The following GARS1 variants were observed in gnomAD, a reference collection of about 807,000 sequenced individuals.
GARS1 encodes the protein glycine--tRNA ligase.
GARS1 carries 46 observed loss-of-function variants against 86.4 expected under a neutral mutation model. The ratio of observed to expected loss-of-function variants is 0.53; its 90% CI spans 0.42 to 0.68. GARS1 has a LOEUF of 0.68. GARS1 is among the 30% of genes least tolerant of loss of function. The pLI is 0.00. For missense variants in GARS1, 797 were observed against 915.6 expected, an observed-to-expected ratio of 0.87 and a Z score of 1.67; for synonymous variants, 342 against 329.8, an observed-to-expected ratio of 1.04 and a Z score of -0.40.
At chr7:30,616,968 T>G (rs1782900468) in intron 9 of GARS1, 146 bp from the exon 10 acceptor site, 1 of 772,376 alleles carries the variant, frequency 1.3e-6, no homozygotes, top group African/African-American at 1.7e-5. Flanking sequence ...TATTTGAAAT[T>G]GTTTTGAAAG....
intron 4 of GARS1, among the ~76,000 whole-genome samples, 156 bp downstream of exon 4, chr7:30,601,356 T>C (rs1211942884): frequency 6.6e-6 from 1 of 152,276 alleles, no homozygotes; most frequent in Admixed American, 6.5e-5. Flanking sequence ...AATGTATACC[T>C]TCTGCTCACA....
chr7:30,615,854 T>C lies in GARS1; in HGVS notation c.1032-42T>C, dbSNP rs746607792. On this transcript the variant is annotated intron_variant, in intron 8 of 16. Transcript: ENST00000389266. ...TTGTTTTTTGTTTGTTTGTTTTTTG[T>C]AGTTAAATATGCAGGTTTATCGCTT... 1.9e-6 allele frequency: 3 copies of C among 1,606,270 alleles called. No individual in the cohort carries two copies. In the South Asian group the frequency reaches 3.3e-5, roughly 18 times the overall value.
chr7:30,607,578 A>G (rs573179936), intron 6 of GARS1, among the ~76,000 whole-genome samples: 1 of 152,286 alleles, frequency 6.6e-6, no homozygotes, highest in African/African-American at 2.4e-5. Context: ...GGATAGCATT[A>G]GGAGAAATAC....
At chr7:30,631,970 T>C in intron 15 of GARS1, 1 of 453,300 alleles carries the variant, frequency 2.2e-6, no homozygotes, top group South Asian at 2.1e-5. Context: ...GCCATAAAAA[T>C]AGAGGTGGTG....
At position 30,632,144 on chromosome 7, in the gene GARS1, T is replaced by C; in HGVS notation, c.1904-103T>C. 1 of 1,071,892 alleles carries C rather than the reference T, an allele frequency of 9.3e-7. No homozygotes were observed. Among genetic ancestry groups the C allele is most frequent in the Admixed American group, 2.0e-5 (1 of 50,848 alleles). The allele number at this position is 1,071,892 out of a possible 1,614,324, so 66.4% of individuals were successfully genotyped here. On this transcript the variant is annotated intron_variant, in intron 15 of 16. Coordinates refer to ENST00000389266, the MANE Select transcript of GARS1 (RefSeq NM_002047.4). The surrounding 1 kb of genome is among the most constrained non-coding windows in gnomAD (Gnocchi z 4.1). The stretch of plus-strand genomic sequence containing the variant: ...AACTCAACTTGTTGCTTTCTTGTCT[T>C]GGTCCCATTTATAAGTCTCCTGAGC...
At position 30,603,521 on chromosome 7, in the gene GARS1, T is replaced by C. The variant is rs557776627; in HGVS notation, c.684T>C (p.Asp228=). 1.2e-6 allele frequency: 2 copies of C among 1,613,902 alleles called. No homozygotes were observed. The highest frequency in any genetic ancestry group is 1.7e-6 in the Non-Finnish European group (2 of 1,179,926). Reference sequence around the variant, plus strand: ...CTCATTTACAGAAATTGATGTCTGATAAGAAGTGTTCTGTCGAAAAGAAAT... The same window carrying C: ...CTCATTTACAGAAATTGATGTCTGACAAGAAGTGTTCTGTCGAAAAGAAAT... ...LKAHLQKLMS[D]KKCSVEKKSE... is the part of the protein sequence containing the mutation. The change falls in exon 6 of 17, where the codon GAT becomes GAC. Residue 228 remains aspartate, a synonymous_variant. Coordinates refer to ENST00000389266, the MANE Select transcript of GARS1 (RefSeq NM_002047.4).
chr7:30,631,499 C>T lies in GARS1; in HGVS notation c.1861C>T (p.Leu621=), dbSNP rs1220892349. 1.9e-6 allele frequency: 3 copies of T among 1,613,800 alleles called. No individual in the cohort carries two copies. The highest frequency in any genetic ancestry group is 2.5e-6 in the Non-Finnish European group (3 of 1,179,776). The part of the protein sequence containing the change: ...VAPFKCSVLP[L]SQNQEFMPFV... ...TCCATTCAAATGTTCCGTCCTCCCA[C>T]TGAGCCAAAACCAGGAGTTCATGCC... Residue 621 remains leucine, a synonymous_variant, in exon 15 of 17, where the codon CTG becomes TTG. Coordinates refer to ENST00000389266, the MANE Select transcript of GARS1 (RefSeq NM_002047.4).
chr7:30,627,408 A>G (rs2128135733), intron 13 of GARS1, among the ~76,000 whole-genome samples: 1 of 152,310 alleles, frequency 6.6e-6, no homozygotes, highest in South Asian at 2.1e-4. Flanking sequence ...TCATGTTTCT[A>G]AAGTATTAAC....
In GARS1 at chr7:30,595,022, G is replaced by A. The variant is rs1189675611; in HGVS notation, c.101G>A (p.Arg34Gln). The A allele has an allele frequency of 1.9e-6, 3 of 1,578,838 alleles. No individual in the cohort carries two copies. The highest frequency in any genetic ancestry group is 1.7e-4 in the Middle Eastern group (1 of 5,812). The change falls in exon 1 of 17, where the codon CGG (arginine) becomes CAG (glutamine). Residue 34 changes from arginine to glutamine, a missense_variant. Coordinates refer to ENST00000389266, the MANE Select transcript of GARS1 (RefSeq NM_002047.4). ...LLARPSLLLRRSLSAASCPPI... is the reference protein window; with the variant it reads ...LLARPSLLLRQSLSAASCPPI... ...GCCCGACCCTCGCTCCTGCTCCGCCGGTCCCTCAGCGCGGCCTCCTGCCCC... is the reference window on the plus strand; with the variant it reads ...GCCCGACCCTCGCTCCTGCTCCGCCAGTCCCTCAGCGCGGCCTCCTGCCCC...
At chr7:30,618,461 C>G (rs1044480317) in intron 10 of GARS1, among the ~76,000 whole-genome samples, 4 of 152,078 alleles carry the variant, frequency 2.6e-5, no homozygotes. Flanking sequence ...TAGCAAGACC[C>G]TGTCTCTACA....
At chr7:30,608,949 A>G (rs1791537498) in intron 6 of GARS1, among the ~76,000 whole-genome samples, 1 of 152,212 alleles carries the variant, frequency 6.6e-6, no homozygotes, top group African/African-American at 2.4e-5. Context: ...AATACTGCTT[A>G]CTATTAGATG....
In GARS1 at chr7:30,603,529, G is replaced by A. The variant is rs376117067; in HGVS notation, c.692G>A (p.Cys231Tyr). The A allele has an allele frequency of 1.9e-6, 3 of 1,613,924 alleles. No homozygotes were observed. The highest frequency in any genetic ancestry group is 2.5e-6 in the Non-Finnish European group (3 of 1,179,956). Residue 231 changes from cysteine to tyrosine, a missense_variant, in exon 6 of 17, where the codon TGT becomes TAT. Cys to Tyr is a radical substitution (Grantham distance 194). Coordinates refer to ENST00000389266, the MANE Select transcript of GARS1 (RefSeq NM_002047.4). The part of the protein sequence containing the change: ...HLQKLMSDKK[C>Y]SVEKKSEMES... ...CAGAAATTGATGTCTGATAAGAAGT[G>A]TTCTGTCGAAAAGAAATCAGAAATG...
intron 16 of GARS1, among the ~76,000 whole-genome samples, chr7:30,633,506 A>T (rs1271213199): frequency 6.6e-6 from 1 of 152,208 alleles, no homozygotes; most frequent in African/African-American, 2.4e-5. Flanking sequence ...TTTAATACAC[A>T]TGAAGTAACT....
rs1304345898 is a variant in GARS1, at chr7:30,624,462, A to G, written c.1614-1772A>G. Among the ~76,000 whole-genome samples the G allele has an allele frequency of 3.9e-5, 6 of 152,244 alleles. No homozygotes were observed. The East Asian group carries it at 1.2e-3, about 29-fold the overall frequency. On this transcript the variant is annotated intron_variant, in intron 12 of 16. Transcript: ENST00000389266. ...AATTTATAACATGGAAGTAAAATGT[A>G]TGCTATCAGTAGCACAAAGGGTGGG... is the stretch of plus-strand genomic sequence containing the variant.
In GARS1 at chr7:30,598,897, G is replaced by A. The variant is rs1037845563; in HGVS notation, c.324G>A (p.Lys108=). ...CCCGCAAGAGGGTTCTGGAAGCAAAGGTGAGTCCTGGGATGCTAAAATAGG... is the reference window on the plus strand; with the variant it reads ...CCCGCAAGAGGGTTCTGGAAGCAAAAGTGAGTCCTGGGATGCTAAAATAGG... ...LKARKRVLEA[K]ELALQPKDDI... Residue 108 remains lysine (K), a splice_region_variant and synonymous_variant, in exon 2 of 17, where the codon AAG becomes AAA. Coordinates refer to ENST00000389266, the MANE Select transcript of GARS1 (RefSeq NM_002047.4). 6.2e-7 allele frequency: 1 copy of A among 1,610,990 alleles called. No individual in the cohort carries two copies. The highest frequency in any genetic ancestry group is 8.5e-7 in the Non-Finnish European group (1 of 1,177,144).
chr7:30,633,833 T>C lies in GARS1; in HGVS notation c.2193T>C (p.Thr731=). ...ATCCTCTGTTTGAAGGGCAAGAGAC[T>C]GGTAAAAAAGAGACAATCGAGGAAT... ...ARYPLFEGQE[T]GKKETIEE is the part of the protein sequence containing the mutation. Residue 731 remains threonine (T), a synonymous_variant, in exon 17 of 17, where the codon ACT becomes ACC. Transcript: ENST00000389266. 1 of 1,612,666 alleles carries C rather than the reference T, an allele frequency of 6.2e-7. No individual in the cohort carries two copies. The highest frequency in any genetic ancestry group is 8.5e-7 in the Non-Finnish European group (1 of 1,179,372).
intron 11 of GARS1, 189 bp downstream of exon 11, chr7:30,621,689 G>A (rs1783010629): frequency 1.6e-6 from 1 of 622,224 alleles, no homozygotes. Context: ...GTAGTCTGAC[G>A]TGTGCCCACT....
intron 6 of GARS1, among the ~76,000 whole-genome samples, chr7:30,609,021 C>T (rs1264310413): frequency 6.6e-6 from 1 of 152,110 alleles, no homozygotes; most frequent in East Asian, 1.9e-4. Context: ...CAGGATTTGG[C>T]ACTGATGATC....
chr7:30,620,827 G>A (rs980902356), intron 10 of GARS1, among the ~76,000 whole-genome samples: 1 of 152,134 alleles, frequency 6.6e-6, no homozygotes, highest in African/African-American at 2.4e-5. Flanking sequence ...CAAGTTGTGA[G>A]AACACTAGGT....
Sources: allele counts gnomAD v4.1 joint callset (sites outside exome capture counted in the v4.1 genomes callset), GRCh38; gene constraint gnomAD v4.1.1; non-coding constraint Gnocchi (gnomAD v3.1); transcripts MANE v1.5; gene names NCBI Gene and HGNC (gene_info 2026-07-23, HGNC 2026-07-21).